The following LRMDA variants were observed in gnomAD, a reference collection of about 807,000 sequenced individuals.
LRMDA encodes leucine-rich melanocyte differentiation-associated protein.
Under a neutral mutation model 29.8 loss-of-function variants are expected in LRMDA, and 18 were observed. The observed-to-expected ratio is 0.60, with a 90% CI of 0.42 to 0.90. The LOEUF is 0.90. Ranked by LOEUF, LRMDA falls within the 40% of genes least tolerant of loss-of-function variation. The pLI is 0.00. For synonymous variants in LRMDA, 125 were observed against 109.4 expected (o/e 1.14, Z -0.89); for missense variants, 273 against 273.9 (o/e 1.00, Z 0.02).
At chr10:76,108,094 A>T (rs1378754159) in intron 5 of LRMDA, among the ~76,000 whole-genome samples, 11 of 152,230 alleles carry the variant, frequency 7.2e-5, no homozygotes, top group Non-Finnish European at 1.6e-4. Context: ...ACCAAATGGA[A>T]ATATGGAAGA....
intron 6 of LRMDA, among the ~76,000 whole-genome samples, chr10:76,438,971 G>A (rs1842273153): frequency 6.6e-6 from 1 of 152,124 alleles, no homozygotes. Flanking sequence ...CATACACTGT[G>A]TTGTCAAAAT....
chr10:76,035,638 A>G (rs1331877650), intron 2 of LRMDA, among the ~76,000 whole-genome samples: 1 of 152,224 alleles, frequency 6.6e-6, no homozygotes, highest in Non-Finnish European at 1.5e-5. Flanking sequence ...GAACTGTGAC[A>G]GAGTTATTTA....
intron 5 of LRMDA, among the ~76,000 whole-genome samples, chr10:76,118,948 T>C (rs1444683498): frequency 6.6e-6 from 1 of 151,420 alleles, no homozygotes; most frequent in Non-Finnish European, 1.5e-5. Context: ...GCCCCTCTTT[T>C]AGCATTTTTT....
At chr10:76,363,214 GAA>G (rs1491539463) in intron 6 of LRMDA, among the ~76,000 whole-genome samples, 6 of 9,682 alleles carry the variant, frequency 6.2e-4, no homozygotes, top group African/African-American at 2.9e-3. Context: ...GGGAGGGAAG[GAA>G]GAGAAAGAAA....
intron 6 of LRMDA, among the ~76,000 whole-genome samples, chr10:76,519,413 TA>T (rs1323753109): frequency 6.6e-6 from 1 of 152,186 alleles, no homozygotes; most frequent in African/African-American, 2.4e-5. Context: ...TTCTTAATGG[TA>T]AAAAGTTAGA....
chr10:76,363,988 A>G (rs1841360414), intron 6 of LRMDA, among the ~76,000 whole-genome samples: 1 of 152,124 alleles, frequency 6.6e-6, no homozygotes, highest in African/African-American at 2.4e-5. Context: ...CTTTGTCTTA[A>G]AAAAGGGATA....
chr10:75,992,930 A>T (rs1847396130), intron 2 of LRMDA, among the ~76,000 whole-genome samples: 1 of 151,098 alleles, frequency 6.6e-6, no homozygotes, highest in Non-Finnish European at 1.5e-5. Context: ...TTCAGGTTAC[A>T]GGGTATAATC....
At chr10:76,156,753 C>A in intron 5 of LRMDA, among the ~76,000 whole-genome samples, 1 of 152,258 alleles carries the variant, frequency 6.6e-6, no homozygotes, top group Non-Finnish European at 1.5e-5. Flanking sequence ...AGATGACATA[C>A]CATTAGGCTT....
intron 2 of LRMDA, among the ~76,000 whole-genome samples, chr10:75,466,233 A>G (rs918513971): frequency 6.6e-6 from 1 of 152,212 alleles, no homozygotes; most frequent in African/African-American, 2.4e-5. Flanking sequence ...AATTTTCCAG[A>G]AGCAAGCCTG....
chr10:75,875,892 G>A (rs1420709506), intron 2 of LRMDA, among the ~76,000 whole-genome samples: 1 of 152,158 alleles, frequency 6.6e-6, no homozygotes, highest in Non-Finnish European at 1.5e-5. Context: ...GGTAAAACAT[G>A]AGGCCTGATT....
At chr10:75,991,308 A>G (rs571232031) in intron 2 of LRMDA, among the ~76,000 whole-genome samples, 1 of 152,192 alleles carries the variant, frequency 6.6e-6, no homozygotes, top group Non-Finnish European at 1.5e-5. Context: ...CGGTCTCAGA[A>G]TACAATAAAA....
At chr10:76,210,684 A>G (rs1397957498) in intron 5 of LRMDA, among the ~76,000 whole-genome samples, 4 of 152,176 alleles carry the variant, frequency 2.6e-5, no homozygotes, top group African/African-American at 9.7e-5. Flanking sequence ...AGAGGAACAG[A>G]AAATGACCAG....
chr10:76,461,564 A>G (rs1022438470), intron 6 of LRMDA, among the ~76,000 whole-genome samples: 8 of 152,160 alleles, frequency 5.3e-5, no homozygotes, highest in African/African-American at 1.7e-4. Context: ...AGAACCATAA[A>G]TTTGTTTTCA....
At chr10:76,283,341 A>T (rs954392196) in intron 5 of LRMDA, among the ~76,000 whole-genome samples, 1 of 152,148 alleles carries the variant, frequency 6.6e-6, no homozygotes, top group Non-Finnish European at 1.5e-5. Flanking sequence ...GCCTTACACG[A>T]GTGGTGCACC....
chr10:76,449,000 C>A (rs1027096523), intron 6 of LRMDA, among the ~76,000 whole-genome samples: 6 of 151,818 alleles, frequency 4.0e-5, no homozygotes, highest in Admixed American at 3.9e-4. Flanking sequence ...CATCTTTTAA[C>A]TTAGATTTCT....
intron 5 of LRMDA, among the ~76,000 whole-genome samples, chr10:76,304,742 C>T (rs1433463583): frequency 1.3e-5 from 2 of 152,192 alleles, no homozygotes; most frequent in African/African-American, 4.8e-5. Flanking sequence ...GGGCGCTGCC[C>T]TCAAGGAGCA....
intron 5 of LRMDA, among the ~76,000 whole-genome samples, chr10:76,143,876 G>GTA (rs1850257027): frequency 6.6e-6 from 1 of 152,144 alleles, no homozygotes; most frequent in African/African-American, 2.4e-5. Flanking sequence ...TGTATAAGTT[G>GTA]TAAGGAAGGG....
intron 2 of LRMDA, among the ~76,000 whole-genome samples, chr10:75,590,672 AT>A (rs1351613465): frequency 1.4e-5 from 2 of 143,732 alleles, no homozygotes; most frequent in African/African-American, 2.6e-5. Flanking sequence ...TGCCTTAAAT[AT>A]TTTTTTTAAG....
At chr10:75,901,150 T>C (rs1019583356) in intron 2 of LRMDA, among the ~76,000 whole-genome samples, 15 of 152,164 alleles carry the variant, frequency 9.9e-5, no homozygotes, top group African/African-American at 3.4e-4. Flanking sequence ...ATTGTTTCTA[T>C]CTCTGTGTGA....
Sources: allele counts gnomAD v4.1 joint callset (sites outside exome capture counted in the v4.1 genomes callset), GRCh38; gene constraint gnomAD v4.1.1; transcripts MANE v1.5; gene names NCBI Gene and HGNC (gene_info 2026-07-23, HGNC 2026-07-21).